Variants in GRIK4 observed in about 807,000 individuals in gnomAD.
GRIK4 encodes the protein glutamate receptor ionotropic, kainate 4.
Under a neutral mutation model 104.9 loss-of-function variants are expected in GRIK4, and 40 were observed. The observed-to-expected ratio is 0.38, with a 90% CI of 0.30 to 0.50. GRIK4 has a LOEUF of 0.50. Among genes scored for constraint, GRIK4 ranks in the 20% least tolerant of loss-of-function variants. GRIK4 has a pLI of 0.93. For missense variants in GRIK4, 1,047 were observed against 1,308.1 expected, an observed-to-expected ratio of 0.80 and a Z score of 3.08; for synonymous variants, 485 against 524.9, an observed-to-expected ratio of 0.92 and a Z score of 1.04.
chr11:120,986,177 G>A lies in GRIK4; in HGVS notation c.2788G>A (p.Gly930Ser). The A allele has an allele frequency of 2.6e-6, 4 of 1,559,250 alleles. No individual in the cohort carries two copies. Among genetic ancestry groups the A allele is most frequent in the Non-Finnish European group, 1.7e-6 (2 of 1,162,162 alleles). Residue 930 changes from glycine to serine, a missense_variant, in exon 21 of 21, where the codon GGC (glycine) becomes AGC (serine). Physicochemically the swap from Gly to Ser is moderately conservative, Grantham distance 56. Coordinates refer to ENST00000527524, the MANE Select transcript of GRIK4 (RefSeq NM_014619.5). ...CTGCCCCGAGTGCCGCCGCTTCCAG[G>A]GCCTGCGGGCACGGCCGTCGCCCGC... ...RVCPECRRFQ[G>S]LRARPSPARS... is the part of the protein sequence containing the mutation.
At chr11:120,781,544 G>T (rs1403218962) in intron 3 of GRIK4, among the ~76,000 whole-genome samples, 2 of 152,042 alleles carry the variant, frequency 1.3e-5, no homozygotes, top group African/African-American at 2.4e-5. Flanking sequence ...AGAGACAGGG[G>T]TCTCACTATA....
chr11:120,886,489 A>T (rs1466500033), intron 11 of GRIK4, among the ~76,000 whole-genome samples: 13 of 152,214 alleles, frequency 8.5e-5, no homozygotes, highest in Admixed American at 6.5e-4. Flanking sequence ...CATCAACAGC[A>T]TATATTAAGC....
At chr11:120,656,857 A>G (rs1289607320) in intron 2 of GRIK4, among the ~76,000 whole-genome samples, 1 of 152,174 alleles carries the variant, frequency 6.6e-6, no homozygotes, top group Non-Finnish European at 1.5e-5. Context: ...CTGTCTCAAA[A>G]ATAAATGTAG....
chr11:120,623,695 G>A (rs1428831776), intron 1 of GRIK4, among the ~76,000 whole-genome samples: 1 of 152,146 alleles, frequency 6.6e-6, no homozygotes, highest in Non-Finnish European at 1.5e-5. Flanking sequence ...CACTGTCCTG[G>A]GCTATTTTGT....
intron 1 of GRIK4, among the ~76,000 whole-genome samples, chr11:120,617,985 G>T (rs749119450): frequency 1.3e-5 from 2 of 152,202 alleles, no homozygotes; most frequent in Non-Finnish European, 2.9e-5. Context: ...TTGGAACTGG[G>T]TAATAGGCAG....
Position 120,988,144 on chromosome 11 carries a change from G to A in GRIK4, c.*1884G>A, listed in dbSNP as rs955416304. The A allele has an allele frequency of 4.6e-5, 7 of 152,192 alleles. No individual in the cohort carries two copies. Among genetic ancestry groups the A allele is most frequent in the African/African-American group, 1.4e-4 (6 of 41,450 alleles). 9.4% of individuals were successfully genotyped at this position (152,192 alleles called of 1,614,324 possible). Reference sequence around the variant, plus strand: ...CTGATTATTCCTGTGAGGGATACTCGTTTTGTCCTCACCTGACCTCACTCA... The same window carrying A: ...CTGATTATTCCTGTGAGGGATACTCATTTTGTCCTCACCTGACCTCACTCA... On this transcript the variant is annotated 3_prime_UTR_variant, in exon 21 of 21. Coordinates refer to ENST00000527524, the MANE Select transcript of GRIK4 (RefSeq NM_014619.5).
At chr11:120,562,482 G>A (rs746584157) in intron 1 of GRIK4, among the ~76,000 whole-genome samples, 2 of 152,168 alleles carry the variant, frequency 1.3e-5, no homozygotes, top group Non-Finnish European at 2.9e-5. Flanking sequence ...GCTGAGCCTA[G>A]AAGGATGTAA....
At chr11:120,640,708 T>A (rs1250807934) in intron 1 of GRIK4, among the ~76,000 whole-genome samples, 3 of 144,752 alleles carry the variant, frequency 2.1e-5, no homozygotes, top group Non-Finnish European at 4.6e-5. Context: ...ATGATAAACC[T>A]TTTTTTTTTT....
intron 14 of GRIK4, among the ~76,000 whole-genome samples, chr11:120,941,230 G>A (rs545674488): frequency 3.9e-5 from 6 of 152,292 alleles, no homozygotes; most frequent in East Asian, 1.9e-4. Flanking sequence ...AGTGCAGAGC[G>A]TCATACAGAT....
intron 1 of GRIK4, among the ~76,000 whole-genome samples, chr11:120,641,638 C>T (rs1178225097): frequency 1.3e-5 from 2 of 152,300 alleles, no homozygotes; most frequent in African/African-American, 2.4e-5. Context: ...CATGCTAATG[C>T]ATTATAATAG....
At chr11:120,924,801 C>T (rs570989259) in intron 13 of GRIK4, among the ~76,000 whole-genome samples, 80 of 152,210 alleles carry the variant, frequency 5.3e-4, no homozygotes, top group Non-Finnish European at 1.0e-3. Flanking sequence ...AAGTGGGACA[C>T]CTCTCAGAAA....
intron 1 of GRIK4, among the ~76,000 whole-genome samples, chr11:120,547,201 G>T (rs1948093055): frequency 1.3e-5 from 2 of 152,164 alleles, no homozygotes; most frequent in South Asian, 4.1e-4. Context: ...CCTCTCCTGG[G>T]AGCCTGTCCT....
intron 14 of GRIK4, among the ~76,000 whole-genome samples, chr11:120,946,011 T>G (rs968579938): frequency 4.6e-5 from 7 of 152,230 alleles, no homozygotes; most frequent in African/African-American, 1.7e-4. Context: ...CTTGTAATGA[T>G]AAGTTTAGTA....
intron 3 of GRIK4, among the ~76,000 whole-genome samples, chr11:120,800,559 C>A (rs997981487): frequency 6.6e-6 from 1 of 152,180 alleles, no homozygotes; most frequent in African/African-American, 2.4e-5. Context: ...CCCAGGTATG[C>A]GTGGACTTTG....
At chr11:120,806,167 C>T (rs1457001710) in intron 4 of GRIK4, among the ~76,000 whole-genome samples, 1 of 152,176 alleles carries the variant, frequency 6.6e-6, no homozygotes, top group African/African-American at 2.4e-5. Flanking sequence ...TTCATTCTCT[C>T]ACCCCACATT....
intron 3 of GRIK4, among the ~76,000 whole-genome samples, chr11:120,683,525 C>T (rs907444139): frequency 1.1e-4 from 16 of 151,920 alleles, no homozygotes; most frequent in Non-Finnish European, 1.6e-4. Flanking sequence ...TCCCAGGTGG[C>T]GACATAAATG....
chr11:120,920,352 C>T (rs770318807), intron 13 of GRIK4, among the ~76,000 whole-genome samples: 13 of 152,166 alleles, frequency 8.5e-5, no homozygotes. Flanking sequence ...TGGCCTGGAG[C>T]TCAGCTCCTC....
chr11:120,926,107 G>T (rs1211645302), intron 13 of GRIK4, among the ~76,000 whole-genome samples: 1 of 152,156 alleles, frequency 6.6e-6, no homozygotes, highest in Non-Finnish European at 1.5e-5. Context: ...AGAAAGTCAG[G>T]TGTGATGGTG....
Position 120,835,349 on chromosome 11 carries a change from G to A in GRIK4, c.691-1442G>A, listed in dbSNP as rs1051358554. Reference sequence around the variant, plus strand: ...TCAAGACCAGCCTGGCCAATATGGCGAAATCCCATCTCTACTAAAAATACA... The same window carrying A: ...TCAAGACCAGCCTGGCCAATATGGCAAAATCCCATCTCTACTAAAAATACA... On this transcript the variant is annotated intron_variant, in intron 7 of 20. Coordinates refer to ENST00000527524, the MANE Select transcript of GRIK4 (RefSeq NM_014619.5). Among the ~76,000 whole-genome samples, 8 of 152,204 alleles carry A rather than the reference G, an allele frequency of 5.3e-5. No individual in the cohort carries two copies. In the South Asian group the frequency reaches 8.3e-4, roughly 16 times the overall value.
Sources: allele counts gnomAD v4.1 joint callset (sites outside exome capture counted in the v4.1 genomes callset), GRCh38; gene constraint gnomAD v4.1.1; transcripts MANE v1.5; gene names NCBI Gene and HGNC (gene_info 2026-07-23, HGNC 2026-07-21).